Variants in OSBPL10 observed in about 807,000 individuals in gnomAD.
The protein encoded by OSBPL10 is oxysterol-binding protein-related protein 10.
A neutral mutation model predicts 81.7 loss-of-function variants in OSBPL10; 49 were observed. The observed-to-expected ratio is 0.60, with a 90% CI of 0.48 to 0.76. OSBPL10 has a LOEUF of 0.76. Ranked by LOEUF, OSBPL10 falls within the 30% of genes least tolerant of loss-of-function variation. OSBPL10 has a pLI of 0.00. For synonymous variants in OSBPL10, 419 were observed against 383.6 expected (o/e 1.09, Z -1.08); for missense variants, 923 against 987.8 (o/e 0.93, Z 0.88).
intron 2 of OSBPL10, among the ~76,000 whole-genome samples, chr3:31,992,244 T>C (rs1028680292): frequency 6.6e-6 from 1 of 152,090 alleles, no homozygotes; most frequent in Non-Finnish European, 1.5e-5. Context: ...TAGTTTCATA[T>C]GAATATAGTC....
At chr3:31,945,455 C>T (rs931713460) in intron 1 of OSBPL10, among the ~76,000 whole-genome samples, 1 of 152,172 alleles carries the variant, frequency 6.6e-6, no homozygotes, top group African/African-American at 2.4e-5. Context: ...CAGAATCAGG[C>T]TTTGGTTTGT....
At chr3:31,743,461 G>GATGGGAGGCAGATGAATACTGA (rs1697421660) in intron 5 of OSBPL10, among the ~76,000 whole-genome samples, 1 of 152,224 alleles carries the variant, frequency 6.6e-6, no homozygotes, top group African/African-American at 2.4e-5. Flanking sequence ...CAAATGTATA[G>GATGGGAGGCAGATGAATACTGA]ATGGGAGGCA....
chr3:31,674,788 G>A (rs1159568734), intron 8 of OSBPL10, among the ~76,000 whole-genome samples: 1 of 152,116 alleles, frequency 6.6e-6, no homozygotes. Flanking sequence ...GCTGAACTGT[G>A]AGTCAAATAA....
At chr3:31,715,712 C>T (rs934329161) in intron 6 of OSBPL10, among the ~76,000 whole-genome samples, 2 of 152,108 alleles carry the variant, frequency 1.3e-5, no homozygotes, top group East Asian at 1.9e-4. Context: ...ATTCTACTAC[C>T]GATGATTTGC....
rs1697929891 is a variant in OSBPL10 at position 31,757,730 on chromosome 3, A to C, written c.730-9610T>G. On this transcript the variant is annotated intron_variant, in intron 4 of 11. Coordinates refer to ENST00000396556, the MANE Select transcript of OSBPL10 (RefSeq NM_017784.5). The stretch of plus-strand genomic sequence containing the variant: ...AAGTTCCTTCAAAGCAATCTCTATC[A>C]GTTTTTCTCATGTAATTTTTGCTAA... Among the ~76,000 whole-genome samples the C allele has an allele frequency of 2.0e-5, 3 of 152,334 alleles. No homozygotes were observed. In the South Asian group the frequency reaches 6.2e-4, roughly 32 times the overall value.
chr3:31,683,499 C>T (rs1020580021), intron 8 of OSBPL10, 135 bp downstream of exon 8: 37 of 1,324,486 alleles, frequency 2.8e-5, no homozygotes, highest in African/African-American at 2.1e-4. Flanking sequence ...GACCCTTTTA[C>T]CACCCACACT....
In OSBPL10 at chr3:31,810,037, A is replaced by G. The variant is rs374836287; in HGVS notation, c.729+20003T>C. On this transcript the variant is annotated intron_variant, in intron 4 of 11. Coordinates refer to ENST00000396556, the MANE Select transcript of OSBPL10 (RefSeq NM_017784.5). ...CAGGCATGTGCCACCACGCCCGGCT[A>G]ATTTCGTATCTTTGATAGAGACAGG... Among the ~76,000 whole-genome samples, 359 of 151,834 alleles carry G rather than the reference A, an allele frequency of 2.4e-3. 1 individual carries two copies. Among genetic ancestry groups the G allele is most frequent in the African/African-American group, 8.0e-3 (332 of 41,364 alleles).
intron 3 of OSBPL10, among the ~76,000 whole-genome samples, chr3:31,831,063 G>T (rs1320805908): frequency 2.6e-5 from 4 of 152,118 alleles, no homozygotes; most frequent in Non-Finnish European, 5.9e-5. Flanking sequence ...AACAGTACTA[G>T]AAGAAAACAC....
At chr3:32,037,701 G>A (rs1699533486) in intron 2 of OSBPL10, 1 of 168,190 alleles carries the variant, frequency 5.9e-6, no homozygotes, top group African/African-American at 2.4e-5. Flanking sequence ...CTAGGCACCA[G>A]AAATTGCTCT....
At chr3:32,009,964 A>C (rs540101344) in intron 2 of OSBPL10, among the ~76,000 whole-genome samples, 1 of 152,194 alleles carries the variant, frequency 6.6e-6, no homozygotes, top group Non-Finnish European at 1.5e-5. Context: ...CCTCAGATTC[A>C]TATGCTGAAT....
At chr3:31,848,344 C>T (rs1302083893) in intron 3 of OSBPL10, among the ~76,000 whole-genome samples, 4 of 151,516 alleles carry the variant, frequency 2.6e-5, no homozygotes, top group African/African-American at 4.9e-5. Flanking sequence ...TACAAGCCCC[C>T]CCCAGTTAGT....
At chr3:31,817,174 G>C (rs1313129139) in intron 4 of OSBPL10, among the ~76,000 whole-genome samples, 1 of 152,182 alleles carries the variant, frequency 6.6e-6, no homozygotes, top group East Asian at 1.9e-4. Context: ...CCCCACTCTG[G>C]TCAGTGGGAC....
intron 6 of OSBPL10, among the ~76,000 whole-genome samples, chr3:31,707,621 G>T (rs145908370): frequency 1.4e-3 from 211 of 152,254 alleles, no homozygotes; most frequent in African/African-American, 4.9e-3. Flanking sequence ...AAAAAAAATG[G>T]GTAGTCTGAG....
chr3:31,768,101 G>T (rs1698257320), intron 4 of OSBPL10, among the ~76,000 whole-genome samples: 1 of 152,148 alleles, frequency 6.6e-6, no homozygotes, highest in Admixed American at 6.5e-5. Context: ...AGAACTGAGG[G>T]TTCCTCCTCC....
At chr3:31,663,877 C>G in intron 11 of OSBPL10, 1 of 1,453,722 alleles carries the variant, frequency 6.9e-7, no homozygotes, top group Non-Finnish European at 9.0e-7. Flanking sequence ...GTTCTGCCCT[C>G]CAGAAGGTTT....
intron 7 of OSBPL10, among the ~76,000 whole-genome samples, chr3:31,686,076 C>G (rs923594515): frequency 6.6e-6 from 1 of 151,940 alleles, no homozygotes; most frequent in African/African-American, 2.4e-5. Context: ...TTCCTAGACC[C>G]TTGTGCTTCC....
intron 1 of OSBPL10, among the ~76,000 whole-genome samples, chr3:32,071,992 T>C (rs1418719748): frequency 2.0e-5 from 3 of 152,208 alleles, no homozygotes; most frequent in Non-Finnish European, 2.9e-5. Flanking sequence ...GACTATGCTA[T>C]AGTATCTTCC....
intron 4 of OSBPL10, among the ~76,000 whole-genome samples, chr3:31,803,209 C>T (rs1000895718): frequency 6.6e-6 from 1 of 152,138 alleles, no homozygotes; most frequent in South Asian, 2.1e-4. Context: ...CCAAGCAAAG[C>T]TCTACCAGGC....
intron 9 of OSBPL10, among the ~76,000 whole-genome samples, chr3:31,669,817 T>G (rs1318970328): frequency 6.6e-6 from 1 of 152,148 alleles, no homozygotes; most frequent in Admixed American, 6.5e-5. Flanking sequence ...TCAGGCTGAA[T>G]TTAGAGTTTT....
Sources: allele counts gnomAD v4.1 joint callset (sites outside exome capture counted in the v4.1 genomes callset), GRCh38; gene constraint gnomAD v4.1.1; transcripts MANE v1.5; gene names NCBI Gene and HGNC (gene_info 2026-07-23, HGNC 2026-07-21).